The following DCC variants were observed in gnomAD, a reference collection of about 807,000 sequenced individuals.
DCC encodes the protein netrin receptor DCC.
In DCC, 58 loss-of-function variants were observed where a neutral mutation model predicts 172.5. That is an observed-to-expected ratio of 0.34 (90% CI 0.27 to 0.42). DCC has a LOEUF of 0.42. Ranked by LOEUF, DCC falls within the 10% of genes least tolerant of loss-of-function variation. The pLI, the probability that DCC is intolerant of heterozygous loss-of-function variation, is 1.00. For missense variants in DCC, 1,740 were observed against 1,791.0 expected, an observed-to-expected ratio of 0.97 and a Z score of 0.51; for synonymous variants, 709 against 644.5, an observed-to-expected ratio of 1.10 and a Z score of -1.52.
At chr18:53,465,354 G>A (rs2045608180) in intron 24 of DCC, among the ~76,000 whole-genome samples, 1 of 151,376 alleles carries the variant, frequency 6.6e-6, no homozygotes, top group Admixed American at 6.6e-5. Flanking sequence ...GCTGGATATT[G>A]TTAACCCAAT....
intron 25 of DCC, among the ~76,000 whole-genome samples, chr18:53,473,313 T>A (rs896002748): frequency 1.3e-4 from 20 of 152,232 alleles, no homozygotes; most frequent in Non-Finnish European, 2.2e-4. Flanking sequence ...TCACACATTT[T>A]ATTGTTTAAT....
intron 2 of DCC, among the ~76,000 whole-genome samples, chr18:52,762,745 C>T (rs897727060): frequency 6.6e-6 from 1 of 151,998 alleles, no homozygotes; most frequent in Admixed American, 6.6e-5. Flanking sequence ...GTTGCTTGAG[C>T]CCAGGAGTTT....
At chr18:52,562,868 G>A (rs552579321) in intron 1 of DCC, among the ~76,000 whole-genome samples, 60 of 152,188 alleles carry the variant, frequency 3.9e-4, no homozygotes, top group African/African-American at 1.3e-3. Flanking sequence ...GGGCTTAAGT[G>A]ATCCTTCTGC....
chr18:52,420,758 G>T (rs2144433042), intron 1 of DCC, among the ~76,000 whole-genome samples: 1 of 152,208 alleles, frequency 6.6e-6, no homozygotes, highest in African/African-American at 2.4e-5. Flanking sequence ...GAACATTCTT[G>T]GTGGGAGAAA....
intron 15 of DCC, among the ~76,000 whole-genome samples, chr18:53,378,936 G>A (rs563729175): frequency 6.6e-5 from 10 of 152,258 alleles, no homozygotes; most frequent in Non-Finnish European, 1.0e-4. Flanking sequence ...TATTAATTAC[G>A]TTTATAAAGG....
At chr18:53,500,743 C>T (rs76321832) in intron 27 of DCC, among the ~76,000 whole-genome samples, 10 of 151,622 alleles carry the variant, frequency 6.6e-5, no homozygotes, top group African/African-American at 1.2e-4. Context: ...TTGGTTGGGA[C>T]GCACGTTCCA....
intron 7 of DCC, among the ~76,000 whole-genome samples, chr18:53,141,612 A>G (rs1390492137): frequency 6.6e-6 from 1 of 152,182 alleles, no homozygotes; most frequent in Non-Finnish European, 1.5e-5. Context: ...TTTTGGAAAC[A>G]CTATTTCAGC....
At chr18:53,142,994 C>G (rs1241659626) in intron 7 of DCC, among the ~76,000 whole-genome samples, 1 of 152,008 alleles carries the variant, frequency 6.6e-6, no homozygotes, top group African/African-American at 2.4e-5. Flanking sequence ...GACTGGTATT[C>G]TTTTTGGAAA....
intron 16 of DCC, among the ~76,000 whole-genome samples, chr18:53,388,406 G>C (rs372034730): frequency 6.6e-6 from 1 of 152,166 alleles, no homozygotes; most frequent in African/African-American, 2.4e-5. Context: ...GGACAGTCTC[G>C]AACAAGGGCC....
intron 5 of DCC, among the ~76,000 whole-genome samples, chr18:52,957,325 T>C (rs1342166331): frequency 1.3e-5 from 2 of 151,850 alleles, no homozygotes; most frequent in Admixed American, 1.3e-4. Flanking sequence ...GCTGGAAAAA[T>C]AGACATTTAT....
At chr18:52,794,405 T>C (rs1427838072) in intron 2 of DCC, among the ~76,000 whole-genome samples, 1 of 152,108 alleles carries the variant, frequency 6.6e-6, no homozygotes. Flanking sequence ...GGTGTTTTGG[T>C]AGCTATTATA....
chr18:52,789,247 G>A (rs1242492710), intron 2 of DCC, among the ~76,000 whole-genome samples: 1 of 151,748 alleles, frequency 6.6e-6, no homozygotes, highest in Non-Finnish European at 1.5e-5. Flanking sequence ...GGTTTTGTGA[G>A]AAAAACAGGT....
At chr18:52,530,046 G>A (rs193226969) in intron 1 of DCC, among the ~76,000 whole-genome samples, 30 of 152,260 alleles carry the variant, frequency 2.0e-4, no homozygotes, top group Admixed American at 1.3e-3. Flanking sequence ...GCAATTAAAC[G>A]TTAATATATT....
chr18:53,306,457 G>T (rs1037896037), intron 13 of DCC, among the ~76,000 whole-genome samples: 2 of 152,268 alleles, frequency 1.3e-5, no homozygotes, highest in Admixed American at 1.3e-4. Flanking sequence ...ACAGATAATG[G>T]TGGTACATTA....
chr18:52,972,259 A>G (rs896987634), intron 5 of DCC, among the ~76,000 whole-genome samples: 24 of 152,182 alleles, frequency 1.6e-4, no homozygotes, highest in African/African-American at 5.8e-4. Context: ...ATACTTATCA[A>G]TTGAGTTATT....
chr18:52,574,944 G>C (rs1207613235), intron 1 of DCC, among the ~76,000 whole-genome samples: 1 of 152,050 alleles, frequency 6.6e-6, no homozygotes, highest in Non-Finnish European at 1.5e-5. Flanking sequence ...TTCTGAATTA[G>C]GTACACTGTA....
At chr18:53,356,668 C>A (rs1351944509) in intron 15 of DCC, among the ~76,000 whole-genome samples, 8 of 152,190 alleles carry the variant, frequency 5.3e-5, no homozygotes, top group African/African-American at 1.9e-4. Flanking sequence ...TTGTCCTCAG[C>A]CTTGGGAAGT....
At chr18:53,427,556 C>T (rs1237635424) in intron 21 of DCC, among the ~76,000 whole-genome samples, 5 of 128,590 alleles carry the variant, frequency 3.9e-5, no homozygotes, top group African/African-American at 1.3e-4. Flanking sequence ...TATCAGCAGC[C>T]GGGCAAGGGA....
intron 17 of DCC, among the ~76,000 whole-genome samples, chr18:53,395,350 T>A (rs1226967372): frequency 6.6e-6 from 1 of 152,150 alleles, no homozygotes; most frequent in Non-Finnish European, 1.5e-5. Flanking sequence ...ACAAAGACGA[T>A]CTTACTTGTT....
Sources: allele counts gnomAD v4.1 joint callset (sites outside exome capture counted in the v4.1 genomes callset), GRCh38; gene constraint gnomAD v4.1.1; transcripts MANE v1.5; gene names NCBI Gene and HGNC (gene_info 2026-07-23, HGNC 2026-07-21).